The following TM9SF3 variants were observed in gnomAD, a reference collection of about 807,000 sequenced individuals.
The protein encoded by TM9SF3 is SM-11044-binding protein.
TM9SF3 carries 14 observed loss-of-function variants against 78.6 expected under a neutral mutation model. The ratio of observed to expected loss-of-function variants is 0.18; its 90% CI spans 0.12 to 0.28. The LOEUF is 0.28. TM9SF3 is among the 10% of genes least tolerant of loss of function. The probability of loss-of-function intolerance (pLI) is 1.00; values close to 1 mark genes in which losing one functional copy is unlikely to be tolerated. For synonymous variants in TM9SF3, 231 were observed against 241.7 expected (o/e 0.96, Z 0.41); for missense variants, 496 against 721.9 (o/e 0.69, Z 3.59).
intron 7 of TM9SF3, among the ~76,000 whole-genome samples, chr10:96,548,797 CAAAAAAA>C (rs5787196): frequency 2.6e-4 from 15 of 58,470 alleles, no homozygotes; most frequent in Non-Finnish European, 5.1e-4. Flanking sequence ...GACTCCATCT[CAAAAAAA>C]AAAAAAAAAA....
At chr10:96,556,380 C>T (rs913020896) in intron 5 of TM9SF3, among the ~76,000 whole-genome samples, 2 of 152,180 alleles carry the variant, frequency 1.3e-5, no homozygotes, top group Admixed American at 6.5e-5. Flanking sequence ...ATAATCCTTG[C>T]TTCACTATTA....
chr10:96,581,993 T>C (rs922887538), intron 1 of TM9SF3, among the ~76,000 whole-genome samples: 2 of 152,200 alleles, frequency 1.3e-5, no homozygotes, highest in African/African-American at 4.8e-5. Context: ...TTGTTCATTG[T>C]GCTTCCACAC....
At chr10:96,546,990 A>T (rs1161329155) in intron 8 of TM9SF3, among the ~76,000 whole-genome samples, 1 of 152,232 alleles carries the variant, frequency 6.6e-6, no homozygotes, top group African/African-American at 2.4e-5. Flanking sequence ...AATACAAGGC[A>T]TTTCTGAATG....
rs1326102646 is a variant in TM9SF3, at chr10:96,522,128, C to CCGA, written c.*132_*134dup. The CCGA allele has an allele frequency of 1.9e-5, 13 of 689,636 alleles. No homozygotes were observed. The Admixed American group carries it at 3.8e-4, about 20-fold the overall frequency. 42.7% of individuals were successfully genotyped at this position (689,636 alleles called of 1,614,324 possible). A position where few individuals can be genotyped will look rare whatever the true frequency, so the allele number is the denominator to read the frequency against. ...TGGAAATAGATGTTACTTTAAGCCA[C>CCGA]CGACGAAAGAGAGACCCACAAAGTA... On this transcript the variant is annotated 3_prime_UTR_variant, in exon 15 of 15. Transcript: ENST00000371142.
intron 2 of TM9SF3, among the ~76,000 whole-genome samples, chr10:96,567,555 G>A (rs1315691888): frequency 6.6e-6 from 1 of 152,054 alleles, no homozygotes; most frequent in Non-Finnish European, 1.5e-5. Context: ...TACCTAAAAT[G>A]TCCAGTCTAA....
intron 1 of TM9SF3, among the ~76,000 whole-genome samples, chr10:96,578,115 T>C (rs1848518783): frequency 1.3e-5 from 2 of 152,170 alleles, no homozygotes; most frequent in South Asian, 4.2e-4. Context: ...AACATCTGCC[T>C]TTTTCTTTTG....
chr10:96,579,968 T>C (rs952080977), intron 1 of TM9SF3, among the ~76,000 whole-genome samples: 3 of 152,212 alleles, frequency 2.0e-5, no homozygotes, highest in African/African-American at 7.2e-5. Context: ...CCTAAAGCTT[T>C]GATAAAGCCC....
chr10:96,569,350 C>T (rs1589461175), intron 2 of TM9SF3, among the ~76,000 whole-genome samples: 2 of 152,290 alleles, frequency 1.3e-5, no homozygotes, highest in East Asian at 3.9e-4. Flanking sequence ...ACCCCAGAAG[C>T]CAGAGCTCTT....
At chr10:96,532,990 A>G (rs1847914933) in intron 10 of TM9SF3, 61 bp downstream of exon 10, 7 of 1,585,130 alleles carry the variant, frequency 4.4e-6, no homozygotes, top group South Asian at 3.4e-5. Context: ...CATGTACACA[A>G]CAGCCTTAAG....
chr10:96,533,252 A>AT, intron 9 of TM9SF3, 62 bp from the exon 10 acceptor site: 1 of 1,525,176 alleles, frequency 6.6e-7, no homozygotes, highest in African/African-American at 1.4e-5. Context: ...TAAACAAATA[A>AT]AAGAGACACA....
At chr10:96,556,833 C>A (rs1006277342) in intron 5 of TM9SF3, among the ~76,000 whole-genome samples, 2 of 152,114 alleles carry the variant, frequency 1.3e-5, no homozygotes, top group Non-Finnish European at 1.5e-5. Context: ...CACCATTATA[C>A]CAAAATCGTT....
intron 9 of TM9SF3, among the ~76,000 whole-genome samples, chr10:96,536,306 G>C (rs562829054): frequency 2.6e-5 from 4 of 152,212 alleles, no homozygotes; most frequent in Middle Eastern, 3.4e-3. Flanking sequence ...GCAGGTTTTA[G>C]CCAGTGCAAT....
intron 14 of TM9SF3, among the ~76,000 whole-genome samples, chr10:96,526,627 TAG>T (rs771324652): frequency 4.6e-5 from 7 of 152,228 alleles, no homozygotes; most frequent in Middle Eastern, 3.4e-3. Flanking sequence ...TACAGAAGCT[TAG>T]AGAGCTTGGG....
intron 14 of TM9SF3, among the ~76,000 whole-genome samples, chr10:96,526,576 T>C (rs1382472840): frequency 6.6e-6 from 1 of 152,144 alleles, no homozygotes; most frequent in Non-Finnish European, 1.5e-5. Flanking sequence ...TTTTAATAGA[T>C]GATTATGATA....
In TM9SF3 at chr10:96,586,895, T is replaced by TCCG. The variant is rs946249282; in HGVS notation, c.-63_-61dup. ...GACTCCTCCTCCCGCCGCCGCCTCCTCCGCCGCCGCCGCCTCCGCCGCGGC... is the reference window on the plus strand; with the variant it reads ...GACTCCTCCTCCCGCCGCCGCCTCCTCCGCCGCCGCCGCCGCCTCCGCCGCGGC... On this transcript the variant is annotated 5_prime_UTR_variant, in exon 1 of 15. Transcript: ENST00000371142. The TCCG allele has an allele frequency of 1.0e-4, 118 of 1,140,316 alleles. 1 individual carries two copies. Among genetic ancestry groups the TCCG allele is most frequent in the African/African-American group, 4.1e-4 (25 of 60,512 alleles). 70.6% of individuals were successfully genotyped at this position (1,140,316 alleles called of 1,614,324 possible).
At chr10:96,565,486 AAAAAAAGACAAG>A in intron 2 of TM9SF3, 60 bp from the exon 3 acceptor site, 1 of 1,496,604 alleles carries the variant, frequency 6.7e-7, no homozygotes, top group Non-Finnish European at 8.8e-7. Flanking sequence ...ACATTAAAAA[AAAAAAAGACAAG>A]AAAAAAGCCA....
At chr10:96,551,493 G>T (rs1191833539) in intron 6 of TM9SF3, 82 bp from the exon 7 acceptor site, 7 of 1,065,010 alleles carry the variant, frequency 6.6e-6, no homozygotes, top group South Asian at 2.6e-5. Context: ...AATTACAGTT[G>T]TAAGTTTCCT....
chr10:96,551,474 G>C, intron 6 of TM9SF3, 63 bp from the exon 7 acceptor site: 4 of 1,236,880 alleles, frequency 3.2e-6, no homozygotes, highest in Non-Finnish European at 3.2e-6. Context: ...CTAAAACATA[G>C]TATGTAAAAA....
At position 96,538,196 on chromosome 10, in the gene TM9SF3, CA is replaced by C. The variant is rs1847982126; in HGVS notation, c.1186-5007del. Reference sequence around the variant, plus strand: ...TGAAATAGAACAAATCAAAATGAAACAAGAGAAAATCCAGCAATAAAAATCC... The same window carrying C: ...TGAAATAGAACAAATCAAAATGAAACAGAGAAAATCCAGCAATAAAAATCC... On this transcript the variant is annotated intron_variant, in intron 9 of 14. Coordinates refer to ENST00000371142, the MANE Select transcript of TM9SF3 (RefSeq NM_020123.4). 3.3e-5 allele frequency among the ~76,000 whole-genome samples: 5 copies of C among 152,200 alleles called. No homozygotes were observed. The South Asian group carries it at 1.0e-3, about 32-fold the overall frequency.
Sources: allele counts gnomAD v4.1 joint callset (sites outside exome capture counted in the v4.1 genomes callset), GRCh38; gene constraint gnomAD v4.1.1; transcripts MANE v1.5; gene names NCBI Gene and HGNC (gene_info 2026-07-23, HGNC 2026-07-21).